Variants in GSG1 observed in about 807,000 individuals in gnomAD.
GSG1 encodes the protein germ cell-specific gene 1 protein.
In GSG1, 28 loss-of-function variants were observed where a neutral mutation model predicts 30.8. The observed-to-expected ratio is 0.91, with a 90% CI of 0.67 to 1.25. The LOEUF (loss-of-function observed/expected upper bound fraction) is 1.25. Ranked by LOEUF, GSG1 falls within the 50% of genes most tolerant of loss-of-function variation. GSG1 has a pLI of 0.00. For synonymous variants in GSG1, 162 were observed against 178.0 expected (o/e 0.91, Z 0.71); for missense variants, 435 against 444.7 (o/e 0.98, Z 0.20).
chr12:13,086,103 G>A (rs557547886), intron 6 of GSG1, among the ~76,000 whole-genome samples: 190 of 152,348 alleles, frequency 1.2e-3, no homozygotes, highest in African/African-American at 4.3e-3. Context: ...TTAAAGCCAG[G>A]TCACATGCGG....
At chr12:13,088,524 A>G (rs965104942) in intron 4 of GSG1, among the ~76,000 whole-genome samples, 24 of 152,334 alleles carry the variant, frequency 1.6e-4, no homozygotes, top group Middle Eastern at 3.4e-3. Flanking sequence ...CAACAAGAGT[A>G]GGTTAGCACT....
At chr12:13,099,266 T>C (rs1330782501) in intron 1 of GSG1, among the ~76,000 whole-genome samples, 4 of 152,240 alleles carry the variant, frequency 2.6e-5, no homozygotes, top group Non-Finnish European at 5.9e-5. Flanking sequence ...TTTCTTCCTT[T>C]TCCTCTCTTA....
At position 13,090,661 on chromosome 12, in the gene GSG1, G is replaced by A; in HGVS notation, c.206C>T (p.Ala69Val). Reference sequence around the variant, plus strand: ...GGACACTGGCATGTCAAAGCACTTGGCTGCCAGACCTTTCTCGCACAGGGG... The same window carrying A: ...GGACACTGGCATGTCAAAGCACTTGACTGCCAGACCTTTCTCGCACAGGGG... ...PKPLCEKGLA[A>V]KCFDMPVSLD... The change falls in exon 2 of 7, where the codon GCC (alanine) becomes GTC (valine). Residue 69 changes from alanine to valine, a missense_variant. Transcript: ENST00000651961. The A allele has an allele frequency of 6.2e-7, 1 of 1,614,232 alleles. No homozygotes were observed. Among genetic ancestry groups the A allele is most frequent in the Non-Finnish European group, 8.5e-7 (1 of 1,180,046 alleles).
intron 1 of GSG1, among the ~76,000 whole-genome samples, chr12:13,102,159 A>G (rs1328969049): frequency 1.3e-5 from 2 of 152,204 alleles, no homozygotes; most frequent in African/African-American, 4.8e-5. Flanking sequence ...TGACTTGCTC[A>G]AGGCCACAAA....
At position 13,084,615 on chromosome 12, in the gene GSG1, T is replaced by C. The variant is rs1213146896; in HGVS notation, c.*286A>G. On this transcript the variant is annotated 3_prime_UTR_variant, in exon 7 of 7. Transcript: ENST00000651961. ...GTCGGGAAGTGTATTTTACTCTTCT[T>C]TTTATCTCCATGGTTTAGCCCAGAA... 7.5e-6 allele frequency: 2 copies of C among 267,564 alleles called. No individual in the cohort carries two copies. Among genetic ancestry groups the C allele is most frequent in the African/African-American group, 4.3e-5 (2 of 46,562 alleles). 16.6% of individuals were successfully genotyped at this position (267,564 alleles called of 1,614,324 possible).
chr12:13,095,732 C>A (rs1866613031), intron 1 of GSG1: 24 of 1,561,250 alleles, frequency 1.5e-5, no homozygotes, highest in Non-Finnish European at 2.0e-5. Flanking sequence ...CCTACCCCTC[C>A]CCTTCTATCT....
intron 1 of GSG1, among the ~76,000 whole-genome samples, chr12:13,096,473 CAAAAA>C (rs775026265): frequency 1.3e-5 from 1 of 74,118 alleles, no homozygotes; most frequent in Admixed American, 1.4e-4. Flanking sequence ...GACTCTGTCT[CAAAAA>C]AAAAAAAAAA....
intron 1 of GSG1, among the ~76,000 whole-genome samples, chr12:13,095,325 A>G (rs973577801): frequency 3.9e-5 from 6 of 152,224 alleles, no homozygotes; most frequent in African/African-American, 9.6e-5. Flanking sequence ...ATCTTTGTGT[A>G]TGCAACAGAT....
At chr12:13,091,670 C>T (rs576119250) in intron 1 of GSG1, among the ~76,000 whole-genome samples, 3 of 152,230 alleles carry the variant, frequency 2.0e-5, no homozygotes, top group South Asian at 2.1e-4. Context: ...TGCCACTGCA[C>T]TCCAGTCTGG....
chr12:13,087,188 C>T lies in GSG1; in HGVS notation c.710G>A (p.Trp237Ter). The stretch of plus-strand genomic sequence containing the variant: ...GCCATAATTCCAAACATGTGGTCTC[C>T]AGTCTTCTGGACCCAAGTTGACAGT... ...QATVNLGPEDWRPHVWNYGWA... is the reference protein window; with the variant it reads ...QATVNLGPED Residue 237 changes from tryptophan to a stop codon, truncating the protein, a stop_gained, in exon 6 of 7, where the codon TGG (tryptophan) becomes TAG (stop). Transcript: ENST00000651961. LOFTEE classifies it low-confidence loss of function (END_TRUNC). 1.2e-6 allele frequency: 2 copies of T among 1,614,036 alleles called. No homozygotes were observed.
rs57762367 is a variant in GSG1, at chr12:13,099,750, G to GTTTTTTTT, written c.48+3707_48+3714dup. 4.0e-3 allele frequency among the ~76,000 whole-genome samples: 460 copies of GTTTTTTTT among 114,718 alleles called. 3 individuals carry two copies. Among genetic ancestry groups the GTTTTTTTT allele is most frequent in the African/African-American group, 9.8e-3 (317 of 32,224 alleles). 75.3% of individuals were successfully genotyped at this position (114,718 alleles called of 152,430 possible). A position where few individuals can be genotyped will look rare whatever the true frequency, so the allele number is the denominator to read the frequency against. ...GCTAAGGGATCCGGTGTTTTTTTTT[G>GTTTTTTTT]TTTTTTTTTTTTTTTTTTGTTTTTT... On this transcript the variant is annotated intron_variant, in intron 1 of 6. Coordinates refer to ENST00000651961, the MANE Select transcript of GSG1 (RefSeq NM_001080555.4).
intron 4 of GSG1, 108 bp from the exon 5 acceptor site, chr12:13,088,167 G>T: frequency 8.2e-7 from 1 of 1,215,862 alleles, no homozygotes; most frequent in Non-Finnish European, 1.2e-6. Context: ...CAGCATCTGA[G>T]AAGGGGAGAA....
Position 13,087,138 on chromosome 12 carries a change from A to G in GSG1, c.746+14T>C. ...GGCTGGGGCTACAAAGGTTCAGGAG[A>G]TGACAGCACTTACTAGAAGGCCCAG... On this transcript the variant is annotated intron_variant, in intron 6 of 6. Coordinates refer to ENST00000651961, the MANE Select transcript of GSG1 (RefSeq NM_001080555.4). 6.4e-7 allele frequency: 1 copy of G among 1,571,628 alleles called. No homozygotes were observed. Among genetic ancestry groups the G allele is most frequent in the Non-Finnish European group, 8.8e-7 (1 of 1,141,470 alleles).
Position 13,101,064 on chromosome 12 carries a change from C to T in GSG1, c.48+2401G>A, listed in dbSNP as rs1387537408. Among the ~76,000 whole-genome samples the T allele has an allele frequency of 2.0e-5, 3 of 152,218 alleles. No homozygotes were observed. The highest frequency in any genetic ancestry group is 7.2e-5 in the African/African-American group (3 of 41,458). Reference sequence around the variant, plus strand: ...AGCCGCCTTTCTTCCAGGCCCCAAGCAGCTGGAGTGAATCAGAGGGGCAGC... The same window carrying T: ...AGCCGCCTTTCTTCCAGGCCCCAAGTAGCTGGAGTGAATCAGAGGGGCAGC... On this transcript the variant is annotated intron_variant, in intron 1 of 6. Coordinates refer to ENST00000651961, the MANE Select transcript of GSG1 (RefSeq NM_001080555.4). This position sits in a 1 kb window ranked among gnomAD's most constrained non-coding sequence, Gnocchi z 5.8.
chr12:13,087,845 C>T lies in GSG1; in HGVS notation c.634+62G>A, dbSNP rs991447434. 16 of 1,547,314 alleles carry T rather than the reference C, an allele frequency of 1.0e-5. 1 individual carries two copies. In the African/African-American group the frequency reaches 2.2e-4, roughly 21 times the overall value. The stretch of plus-strand genomic sequence containing the variant: ...CCTTCAGGGCAAAGACTCAAGCCCT[C>T]CAGCTAGGGCTTCAAAAGTGGCCAG... On this transcript the variant is annotated intron_variant, in intron 5 of 6. Coordinates refer to ENST00000651961, the MANE Select transcript of GSG1 (RefSeq NM_001080555.4).
chr12:13,090,404 C>T (rs1291508008), intron 2 of GSG1, 99 bp downstream of exon 2: 2 of 1,143,888 alleles, frequency 1.7e-6, no homozygotes, highest in African/African-American at 1.5e-5. Context: ...ACTTCCAGGG[C>T]AACGCCAGCC....
At chr12:13,095,788 A>C in intron 1 of GSG1, 1 of 1,501,074 alleles carries the variant, frequency 6.7e-7, no homozygotes, top group South Asian at 1.3e-5. Flanking sequence ...CTTACAGGGA[A>C]CACGGGCATT....
chr12:13,086,450 A>G (rs1463137708), intron 6 of GSG1, among the ~76,000 whole-genome samples: 1 of 152,246 alleles, frequency 6.6e-6, no homozygotes, highest in African/African-American at 2.4e-5. Flanking sequence ...AGTACTTAGC[A>G]CTTAGACAGT....
rs545036510 is a variant in GSG1 at position 13,094,271 on chromosome 12, T to C, written c.49-3453A>G. On this transcript the variant is annotated intron_variant, in intron 1 of 6. Transcript: ENST00000651961. ...GACTAAGACAGTGCATATCACAAAATGCTTATTATTTATGGCAATAAGAAA... is the reference window on the plus strand; with the variant it reads ...GACTAAGACAGTGCATATCACAAAACGCTTATTATTTATGGCAATAAGAAA... 2.6e-5 allele frequency among the ~76,000 whole-genome samples: 4 copies of C among 152,344 alleles called. No homozygotes were observed. The East Asian group carries it at 7.7e-4, about 29-fold the overall frequency.
Sources: allele counts gnomAD v4.1 joint callset (sites outside exome capture counted in the v4.1 genomes callset), GRCh38; gene constraint gnomAD v4.1.1; non-coding constraint Gnocchi (gnomAD v3.1); transcripts MANE v1.5; gene names NCBI Gene and HGNC (gene_info 2026-07-23, HGNC 2026-07-21).